ZNF407: variants seen among roughly 807,000 people sequenced by gnomAD.
ZNF407 encodes the protein zinc finger protein 407.
A neutral mutation model predicts 131.2 loss-of-function variants in ZNF407; 17 were observed. The ratio of observed to expected loss-of-function variants is 0.13; its 90% CI spans 0.09 to 0.19. ZNF407 has a LOEUF of 0.19. ZNF407 is among the 10% of genes least tolerant of loss of function. The pLI, the probability that ZNF407 is intolerant of heterozygous loss-of-function variation, is 1.00. For synonymous variants in ZNF407, 1,156 were observed against 1,062.0 expected (o/e 1.09, Z -1.72); for missense variants, 2,681 against 2,830.6 (o/e 0.95, Z 1.20).
chr18:74,604,683 T>C (rs956251900), intron 1 of ZNF407, among the ~76,000 whole-genome samples: 1 of 152,228 alleles, frequency 6.6e-6, no homozygotes, highest in Non-Finnish European at 1.5e-5. Flanking sequence ...CAGAGGATAA[T>C]AAATAAACAC....
chr18:74,874,894 TTC>T (rs1187883954), intron 4 of ZNF407, among the ~76,000 whole-genome samples: 2 of 152,174 alleles, frequency 1.3e-5, no homozygotes, highest in African/African-American at 4.8e-5. Context: ...ATTCAGGTGT[TTC>T]TGCTGTCCAG....
intron 3 of ZNF407, among the ~76,000 whole-genome samples, chr18:74,650,917 C>T (rs1216366645): frequency 1.3e-5 from 2 of 151,398 alleles, no homozygotes; most frequent in Non-Finnish European, 2.9e-5. Flanking sequence ...CAAGAAATTG[C>T]TATATATGTG....
chr18:74,758,255 T>G (rs1401503348), intron 3 of ZNF407, among the ~76,000 whole-genome samples: 2 of 152,296 alleles, frequency 1.3e-5, no homozygotes, highest in East Asian at 3.9e-4. Flanking sequence ...AATAGGAATT[T>G]TTCTTATTTA....
chr18:74,802,250 G>A (rs1285502160), intron 4 of ZNF407, among the ~76,000 whole-genome samples: 5 of 152,128 alleles, frequency 3.3e-5, no homozygotes, highest in Non-Finnish European at 5.9e-5. Flanking sequence ...ATTTGTAAAT[G>A]TGAGTTTACA....
intron 8 of ZNF407, among the ~76,000 whole-genome samples, chr18:74,944,389 G>A (rs768868110): frequency 2.0e-5 from 3 of 152,114 alleles, no homozygotes; most frequent in African/African-American, 2.4e-5. Context: ...TGATTTTTAT[G>A]GTGCTACAAC....
intron 3 of ZNF407, among the ~76,000 whole-genome samples, chr18:74,773,224 A>T (rs1279301013): frequency 6.6e-6 from 1 of 152,226 alleles, no homozygotes; most frequent in African/African-American, 2.4e-5. Flanking sequence ...AGAATCGACA[A>T]TAGTATGAAA....
At chr18:75,000,894 T>C (rs1972837765) in intron 8 of ZNF407, among the ~76,000 whole-genome samples, 1 of 152,214 alleles carries the variant, frequency 6.6e-6, no homozygotes, top group South Asian at 2.1e-4. Context: ...ATCAGAATGA[T>C]GGCATCAACG....
chr18:74,774,116 T>C (rs1969418311), intron 3 of ZNF407, among the ~76,000 whole-genome samples: 2 of 152,184 alleles, frequency 1.3e-5, no homozygotes, highest in Non-Finnish European at 2.9e-5. Flanking sequence ...AAGACATAAT[T>C]ACGGTAATAG....
At chr18:74,844,388 A>T (rs540719967) in intron 4 of ZNF407, among the ~76,000 whole-genome samples, 1 of 152,288 alleles carries the variant, frequency 6.6e-6, no homozygotes, top group East Asian at 1.9e-4. Flanking sequence ...ATTCTTCTCT[A>T]AGGCACAAAT....
At chr18:75,002,703 A>G (rs373704562) in intron 8 of ZNF407, among the ~76,000 whole-genome samples, 3 of 151,720 alleles carry the variant, frequency 2.0e-5, no homozygotes, top group Non-Finnish European at 2.9e-5. Flanking sequence ...TACTCGGGAG[A>G]CTGAGGCAGG....
At chr18:74,878,828 T>C (rs1222351532) in intron 5 of ZNF407, among the ~76,000 whole-genome samples, 1 of 151,752 alleles carries the variant, frequency 6.6e-6, no homozygotes, top group African/African-American at 2.4e-5. Flanking sequence ...CTTAAAATTT[T>C]TTTTCTCAAA....
chr18:75,040,948 A>G (rs1013374405), intron 8 of ZNF407, among the ~76,000 whole-genome samples: 6 of 152,178 alleles, frequency 3.9e-5, no homozygotes, highest in Non-Finnish European at 7.4e-5. Context: ...TGAAGTAGGA[A>G]TTGTTTTTTC....
Position 74,755,728 on chromosome 18 carries a change from C to CCTTCCTTCCTTTCTTTCTTT in ZNF407, c.4803-25697_4803-25696insCCTTCCTTTCTTTCTTTCTT, listed in dbSNP as rs1555684064. Among the ~76,000 whole-genome samples, 4 of 63,480 alleles carry CCTTCCTTCCTTTCTTTCTTT rather than the reference C, an allele frequency of 6.3e-5. No homozygotes were observed. In the South Asian group the frequency reaches 3.7e-3, roughly 59 times the overall value. 41.6% of individuals were successfully genotyped at this position (63,480 alleles called of 152,430 possible). ...CTCAGCCTGCCTCTCTTCTTTCTTT[C>CCTTCCTTCCTTTCTTTCTTT]CTTTCTTTCTTTCTTTCTTTCTTTC... On this transcript the variant is annotated intron_variant, in intron 3 of 8. Transcript: ENST00000299687.
chr18:74,891,331 C>G lies in ZNF407; in HGVS notation c.5249+1293C>G, dbSNP rs777865336. On this transcript the variant is annotated intron_variant, in intron 7 of 8. Transcript: ENST00000299687. ...CCACTGCGCTCGACCCACATGATGG[C>G]GTGAAATTGAGGGTGTGTCTTCAAA... is the stretch of plus-strand genomic sequence containing the variant. Among the ~76,000 whole-genome samples the G allele has an allele frequency of 4.5e-4, 69 of 152,274 alleles. 1 individual carries two copies. The highest frequency in any genetic ancestry group is 1.5e-3 in the African/African-American group (64 of 41,564).
intron 1 of ZNF407, among the ~76,000 whole-genome samples, chr18:74,598,663 C>T (rs1250677769): frequency 2.0e-5 from 3 of 152,254 alleles, no homozygotes; most frequent in Non-Finnish European, 4.4e-5. Context: ...AGGGTCCTAG[C>T]CATTCCCGAC....
intron 7 of ZNF407, among the ~76,000 whole-genome samples, 156 bp from the exon 8 acceptor site, chr18:74,920,358 A>C (rs1339469628): frequency 6.6e-6 from 1 of 152,276 alleles, no homozygotes; most frequent in Non-Finnish European, 1.5e-5. Flanking sequence ...TACCAGCCTC[A>C]TAAGGCTGAT....
At chr18:75,030,826 AT>A (rs1027172658) in intron 8 of ZNF407, among the ~76,000 whole-genome samples, 2 of 151,958 alleles carry the variant, frequency 1.3e-5, no homozygotes, top group African/African-American at 4.8e-5. Context: ...TCTAAGGGAG[AT>A]TTTACCACCC....
At chr18:74,986,514 C>G (rs1305297247) in intron 8 of ZNF407, among the ~76,000 whole-genome samples, 1 of 152,146 alleles carries the variant, frequency 6.6e-6, no homozygotes, top group Non-Finnish European at 1.5e-5. Context: ...GAAAGTCTAA[C>G]CATTTCAGCC....
chr18:74,898,271 T>G, intron 7 of ZNF407: 1 of 152,250 alleles, frequency 6.6e-6, no homozygotes, highest in Middle Eastern at 3.2e-3. Flanking sequence ...TAAGACAATA[T>G]TATATCTTTT....
Sources: gnomAD v4.1 joint callset for allele counts (sites outside exome capture counted in the v4.1 genomes callset) on GRCh38, gnomAD v4.1.1 for gene constraint, MANE v1.5 for transcripts, NCBI Gene and HGNC (gene_info 2026-07-23, HGNC 2026-07-21) for gene names.